SUFU: variants seen among roughly 807,000 people sequenced by gnomAD.
SUFU encodes suppressor of fused homolog.
Under a neutral mutation model 58.9 loss-of-function variants are expected in SUFU, and 7 were observed. The ratio of observed to expected loss-of-function variants is 0.12; its 90% CI spans 0.07 to 0.22. The LOEUF (loss-of-function observed/expected upper bound fraction) is 0.22. Among genes scored for constraint, SUFU ranks in the 10% least tolerant of loss-of-function variants. The pLI is 1.00. For synonymous variants in SUFU, 232 were observed against 254.8 expected, an observed-to-expected ratio of 0.91 and a Z score of 0.85; for missense variants, 451 against 641.3, an observed-to-expected ratio of 0.70 and a Z score of 3.20.
At chr10:102,548,360 G>T (rs767620894) in intron 2 of SUFU, among the ~76,000 whole-genome samples, 2 of 152,124 alleles carry the variant, frequency 1.3e-5, no homozygotes, top group African/African-American at 2.4e-5. Flanking sequence ...TCTGAGACTT[G>T]GGAATCTCTT....
intron 2 of SUFU, among the ~76,000 whole-genome samples, chr10:102,515,315 CTT>C (rs35257917): frequency 6.1e-5 from 8 of 130,202 alleles, no homozygotes; most frequent in Admixed American, 3.2e-4. Flanking sequence ...TTTGCCGGAA[CTT>C]TTTTTTTTTT....
rs538114118 is a variant in SUFU at position 102,511,992 on chromosome 10, G to T, written c.317+2689G>T. Among the ~76,000 whole-genome samples the T allele has an allele frequency of 3.3e-5, 5 of 152,290 alleles. 1 individual carries two copies. The East Asian group carries it at 7.7e-4, about 24-fold the overall frequency. Reference sequence around the variant, plus strand: ...CTCCCAGAGTGTTGGGATTACAGGCGTGAACCACTGTATTCAGCCTCAGAG... The same window carrying T: ...CTCCCAGAGTGTTGGGATTACAGGCTTGAACCACTGTATTCAGCCTCAGAG... On this transcript the variant is annotated intron_variant, in intron 2 of 11. Coordinates refer to ENST00000369902, the MANE Select transcript of SUFU (RefSeq NM_016169.4).
At chr10:102,554,295 C>T (rs1294399744) in intron 3 of SUFU, among the ~76,000 whole-genome samples, 26 of 152,002 alleles carry the variant, frequency 1.7e-4, no homozygotes, top group Admixed American at 1.6e-3. Flanking sequence ...CCCAGCTACA[C>T]GGGAGGCTGA....
chr10:102,535,930 A>AGATGATGAT (rs36203045), intron 2 of SUFU, among the ~76,000 whole-genome samples: 5,239 of 148,790 alleles, frequency 0.035, 131 homozygotes, highest in Middle Eastern at 0.075. Context: ...TCTAGGCTGG[A>AGATGATGAT]GATGATGATG....
upstream of SUFU, among the ~76,000 whole-genome samples, chr10:102,502,919 C>A (rs1232190607): frequency 6.6e-6 from 1 of 152,192 alleles, no homozygotes; most frequent in African/African-American, 2.4e-5. Context: ...GCCAGAGACA[C>A]AGGTTGATGG....
Position 102,593,713 on chromosome 10 carries a change from A to T in SUFU, c.675A>T (p.Thr225=). 6.2e-7 allele frequency: 1 copy of T among 1,614,206 alleles called. No homozygotes were observed. The highest frequency in any genetic ancestry group is 8.5e-7 in the Non-Finnish European group (1 of 1,180,018). The change falls in exon 5 of 12, where the codon ACA becomes ACT. Residue 225 remains threonine, a synonymous_variant. Coordinates refer to ENST00000369902, the MANE Select transcript of SUFU (RefSeq NM_016169.4). ...NGQGILELLR[T]VPIAGGPWLI... ...AGGGCATCCTGGAGCTGCTGCGGACAGTGCCTATGTGAGTACCCATGCAAG... is the reference window on the plus strand; with the variant it reads ...AGGGCATCCTGGAGCTGCTGCGGACTGTGCCTATGTGAGTACCCATGCAAG...
intron 8 of SUFU, among the ~76,000 whole-genome samples, chr10:102,613,434 C>T (rs1590080115): frequency 6.6e-6 from 1 of 152,252 alleles, no homozygotes; most frequent in African/African-American, 2.4e-5. Flanking sequence ...CCACTGCCGC[C>T]ACAGGGCCAT....
intron 2 of SUFU, among the ~76,000 whole-genome samples, chr10:102,512,895 C>G (rs1046791013): frequency 1.1e-4 from 16 of 151,972 alleles, no homozygotes; most frequent in African/African-American, 3.9e-4. Context: ...GAGACCCTCC[C>G]CCATCTCTAC....
At chr10:102,607,340 C>T (rs1489575463) in intron 8 of SUFU, among the ~76,000 whole-genome samples, 1 of 152,128 alleles carries the variant, frequency 6.6e-6, no homozygotes, top group Non-Finnish European at 1.5e-5. Flanking sequence ...TGAGCCGCCA[C>T]GCCCAGCCAA....
chr10:102,621,000 C>T (rs1336020172), intron 10 of SUFU, among the ~76,000 whole-genome samples: 1 of 152,236 alleles, frequency 6.6e-6, no homozygotes, highest in Admixed American at 6.5e-5. Context: ...CCATTCTCTG[C>T]CAGTCCTGAT....
intron 1 of SUFU, among the ~76,000 whole-genome samples, chr10:102,507,298 AG>A (rs2062339463): frequency 6.6e-6 from 1 of 152,218 alleles, no homozygotes; most frequent in African/African-American, 2.4e-5. Context: ...AGCTTGGTGC[AG>A]GATGGACCTA....
At chr10:102,513,200 C>T (rs908287929) in intron 2 of SUFU, among the ~76,000 whole-genome samples, 9 of 152,128 alleles carry the variant, frequency 5.9e-5, no homozygotes, top group African/African-American at 2.2e-4. Flanking sequence ...CCACACATTT[C>T]GTAATGGTGG....
At chr10:102,506,300 A>G (rs1365495262) in intron 1 of SUFU, among the ~76,000 whole-genome samples, 1 of 152,158 alleles carries the variant, frequency 6.6e-6, no homozygotes, top group Non-Finnish European at 1.5e-5. Context: ...TGTGATAATG[A>G]AGAAAAGGGA....
chr10:102,560,586 A>C (rs2063027539), intron 3 of SUFU, among the ~76,000 whole-genome samples: 1 of 152,116 alleles, frequency 6.6e-6, no homozygotes, highest in South Asian at 2.1e-4. Context: ...AAAAAAAAGA[A>C]CTTGCAGTAT....
chr10:102,617,995 T>G lies in SUFU; in HGVS notation c.1296+567T>G. ...CTTATCCGGAGCACTTTGTCCTTCC[T>G]TTGCTCTTCTGGCTGGAGCGAGCTT... is the stretch of plus-strand genomic sequence containing the variant. On this transcript the variant is annotated intron_variant, in intron 10 of 11. Transcript: ENST00000369902. The surrounding 1 kb of genome is among the most constrained non-coding windows in gnomAD (Gnocchi z 4.4). 1 of 168,820 alleles carries G rather than the reference T, an allele frequency of 5.9e-6. No homozygotes were observed. The highest frequency in any genetic ancestry group is 1.3e-5 in the Non-Finnish European group (1 of 78,408). 10.5% of individuals were successfully genotyped at this position (168,820 alleles called of 1,614,324 possible).
chr10:102,553,183 T>A (rs1416149804), intron 3 of SUFU, among the ~76,000 whole-genome samples: 1 of 152,220 alleles, frequency 6.6e-6, no homozygotes, highest in Non-Finnish European at 1.5e-5. Context: ...AAAACAAATC[T>A]ACTTTAAATT....
intron 2 of SUFU, among the ~76,000 whole-genome samples, chr10:102,511,276 C>G (rs2062398581): frequency 2.0e-5 from 3 of 151,654 alleles, no homozygotes; most frequent in Non-Finnish European, 2.9e-5. Context: ...AATAAATAGT[C>G]TTCCCTCAAC....
intron 3 of SUFU, among the ~76,000 whole-genome samples, chr10:102,551,621 G>A (rs1326590714): frequency 2.7e-5 from 4 of 145,898 alleles, no homozygotes; most frequent in South Asian, 2.2e-4. Context: ...CTGGGCAACA[G>A]AGCAAGACTC....
chr10:102,615,323 C>G lies in SUFU; in HGVS notation c.1078C>G (p.Leu360Val). The G allele has an allele frequency of 6.2e-7, 1 of 1,614,166 alleles. No individual in the cohort carries two copies. Among genetic ancestry groups the G allele is most frequent in the Non-Finnish European group, 8.5e-7 (1 of 1,180,028 alleles). ...CTCCACGGCCATCATTCCCCATGAGCTGATTCGCACGCGGCAGCTTGAGAG... is the reference window on the plus strand; with the variant it reads ...CTCCACGGCCATCATTCCCCATGAGGTGATTCGCACGCGGCAGCTTGAGAG... ...DSSTAIIPHE[L>V]IRTRQLESVH... Residue 360 changes from leucine to valine, a missense_variant, in exon 9 of 12, where the codon CTG becomes GTG. Transcript: ENST00000369902.
Sources: gnomAD v4.1 joint callset for allele counts (sites outside exome capture counted in the v4.1 genomes callset) on GRCh38, gnomAD v4.1.1 for gene constraint, Gnocchi (gnomAD v3.1) non-coding constraint, MANE v1.5 for transcripts, NCBI Gene and HGNC (gene_info 2026-07-23, HGNC 2026-07-21) for gene names.